The following COMMD1 variants were observed in gnomAD, a reference collection of about 807,000 sequenced individuals.
The protein encoded by COMMD1 is COMM domain-containing protein 1.
COMMD1 carries 10 observed loss-of-function variants against 17.2 expected under a neutral mutation model. The observed-to-expected ratio is 0.58, with a 90% confidence interval of 0.36 to 0.99. COMMD1 has a LOEUF of 0.99. Among genes scored for constraint, COMMD1 ranks in the 50% least tolerant of loss-of-function variants. COMMD1 has a pLI of 0.01. For missense variants in COMMD1, 270 were observed against 231.8 expected, an observed-to-expected ratio of 1.17 and a Z score of -1.07; for synonymous variants, 97 against 91.6, an observed-to-expected ratio of 1.06 and a Z score of -0.34.
chr2:62,022,448 C>CTT lies in COMMD1; in HGVS notation c.462+21487_462+21488dup, dbSNP rs747830662. Reference sequence around the variant, plus strand: ...CTTCTAATATTATTTACCGGCGCTTCTTTTTTTTTTTTTTTTTTTTTTACA... The same window carrying CTT: ...CTTCTAATATTATTTACCGGCGCTTCTTTTTTTTTTTTTTTTTTTTTTTTACA... On this transcript the variant is annotated intron_variant, in intron 2 of 2. Transcript: ENST00000311832. Among the ~76,000 whole-genome samples the CTT allele has an allele frequency of 2.9e-3, 249 of 84,916 alleles. 1 individual carries two copies. The highest frequency in any genetic ancestry group is 7.5e-3 in the African/African-American group (180 of 24,034). The allele number at this position is 84,916 out of a possible 152,430, so 55.7% of individuals were successfully genotyped here.
chr2:62,134,417 A>G (rs1243137068), intron 2 of COMMD1, among the ~76,000 whole-genome samples: 1 of 152,120 alleles, frequency 6.6e-6, no homozygotes, highest in East Asian at 1.9e-4. Context: ...ATACTGCTCT[A>G]AATTACTTGA....
At chr2:61,957,760 A>G (rs746805299) in intron 1 of COMMD1, among the ~76,000 whole-genome samples, 1 of 152,222 alleles carries the variant, frequency 6.6e-6, no homozygotes, top group Non-Finnish European at 1.5e-5. Flanking sequence ...ATTTGAGTTT[A>G]TTGTTAAATC....
intron 2 of COMMD1, among the ~76,000 whole-genome samples, chr2:62,112,519 C>T (rs940064540): frequency 6.0e-4 from 92 of 152,190 alleles, no homozygotes; most frequent in African/African-American, 1.9e-3. Flanking sequence ...ATGTTTAGAA[C>T]TCCTTATAAA....
intron 2 of COMMD1, among the ~76,000 whole-genome samples, chr2:62,104,633 CAAAAAAAAAA>C (rs35679940): frequency 1.3e-5 from 1 of 76,750 alleles, no homozygotes; most frequent in Non-Finnish European, 2.6e-5. Context: ...GACTCCGTCT[CAAAAAAAAAA>C]AAAAAAAAAA....
At chr2:62,134,152 C>A (rs1267632272) in intron 2 of COMMD1, among the ~76,000 whole-genome samples, 1 of 150,054 alleles carries the variant, frequency 6.7e-6, no homozygotes, top group Non-Finnish European at 1.5e-5. Context: ...ATAAGGGAAA[C>A]TCCAAGACTT....
intron 1 of COMMD1, among the ~76,000 whole-genome samples, chr2:61,936,891 C>G (rs1411145121): frequency 6.6e-6 from 1 of 152,106 alleles, no homozygotes; most frequent in Non-Finnish European, 1.5e-5. Context: ...TGACATGTGC[C>G]CAGGGTAGTC....
At chr2:62,046,536 A>G (rs970651888) in intron 2 of COMMD1, among the ~76,000 whole-genome samples, 4 of 152,186 alleles carry the variant, frequency 2.6e-5, no homozygotes, top group African/African-American at 9.7e-5. Flanking sequence ...ATATACTACT[A>G]TTTTCTGCCT....
intron 2 of COMMD1, among the ~76,000 whole-genome samples, chr2:62,033,541 C>A (rs1012435457): frequency 2.6e-5 from 4 of 151,706 alleles, no homozygotes; most frequent in African/African-American, 9.7e-5. Context: ...CCCAGGAGTA[C>A]AAGACCAGGC....
At chr2:61,905,662 C>T (rs1558516443), upstream of COMMD1, 2 of 1,531,796 alleles carry the variant, frequency 1.3e-6, no homozygotes, top group Admixed American at 2.0e-5. Context: ...TGTTGCGGGG[C>T]GGGGCCTTCG....
Position 62,082,364 on chromosome 2 carries a change from C to T in COMMD1, c.463-53467C>T, listed in dbSNP as rs185587838. 8.5e-5 allele frequency among the ~76,000 whole-genome samples: 13 copies of T among 152,270 alleles called. No homozygotes were observed. In the East Asian group the frequency reaches 1.5e-3, roughly 18 times the overall value. On this transcript the variant is annotated intron_variant, in intron 2 of 2. Coordinates refer to ENST00000311832, the MANE Select transcript of COMMD1 (RefSeq NM_152516.4). Reference sequence around the variant, plus strand: ...TTTGAAGCAGGGAGACCTTAGAACACTCAAGTGGTAATCCTGGCACTAGCA... The same window carrying T: ...TTTGAAGCAGGGAGACCTTAGAACATTCAAGTGGTAATCCTGGCACTAGCA...
chr2:62,056,825 A>T (rs147904261), intron 2 of COMMD1, among the ~76,000 whole-genome samples: 27 of 152,338 alleles, frequency 1.8e-4, no homozygotes, highest in African/African-American at 6.5e-4. Context: ...CTAGAAGAGG[A>T]TTAACTGCTT....
At chr2:61,932,905 A>G (rs931682691) in intron 1 of COMMD1, among the ~76,000 whole-genome samples, 3 of 152,188 alleles carry the variant, frequency 2.0e-5, no homozygotes, top group African/African-American at 7.2e-5. Context: ...AGGGATGACC[A>G]AGTGCCAACC....
At chr2:61,905,939 C>G in intron 1 of COMMD1, 81 bp downstream of exon 1, 1 of 1,398,778 alleles carries the variant, frequency 7.1e-7, no homozygotes, top group Non-Finnish European at 1.0e-6. Flanking sequence ...CTTGCCTTCC[C>G]CTGTCCTCAC....
At chr2:62,060,208 G>A (rs1670821521) in intron 2 of COMMD1, among the ~76,000 whole-genome samples, 1 of 152,110 alleles carries the variant, frequency 6.6e-6, no homozygotes, top group South Asian at 2.1e-4. Context: ...GCACACACCT[G>A]TAGTCCCAGC....
intron 1 of COMMD1, among the ~76,000 whole-genome samples, chr2:61,934,443 C>A (rs1250164420): frequency 6.6e-6 from 1 of 152,074 alleles, no homozygotes; most frequent in African/African-American, 2.4e-5. Flanking sequence ...TAATGAGTGG[C>A]CCTGTGTGAT....
At chr2:62,081,344 C>T (rs543167489) in intron 2 of COMMD1, among the ~76,000 whole-genome samples, 81 of 151,868 alleles carry the variant, frequency 5.3e-4, no homozygotes, top group Admixed American at 3.0e-3. Context: ...CTCCGCCTCC[C>T]GGGTTCAAGC....
At chr2:61,978,868 G>T (rs949452312) in intron 1 of COMMD1, among the ~76,000 whole-genome samples, 2 of 152,114 alleles carry the variant, frequency 1.3e-5, no homozygotes, top group Non-Finnish European at 2.9e-5. Context: ...TTAAAATGTG[G>T]ATGGATATTT....
At chr2:62,086,243 C>T (rs1422306220) in intron 2 of COMMD1, among the ~76,000 whole-genome samples, 1 of 152,028 alleles carries the variant, frequency 6.6e-6, no homozygotes, top group African/African-American at 2.4e-5. Flanking sequence ...GGCGCGGTGG[C>T]TCAAGCCTGT....
chr2:61,953,428 G>A (rs1671111616), intron 1 of COMMD1, among the ~76,000 whole-genome samples: 1 of 150,222 alleles, frequency 6.7e-6, no homozygotes, highest in East Asian at 2.0e-4. Context: ...GAGTGCAGTG[G>A]CGCAATCTCA....
Sources: gnomAD v4.1 joint callset for allele counts (sites outside exome capture counted in the v4.1 genomes callset) on GRCh38, gnomAD v4.1.1 for gene constraint, MANE v1.5 for transcripts, NCBI Gene and HGNC (gene_info 2026-07-23, HGNC 2026-07-21) for gene names.